STAC2: variants seen among roughly 807,000 people sequenced by gnomAD.
STAC2 encodes the protein SH3 and cysteine rich domain 2, also known as SH3 and cysteine-rich domain-containing protein 2.
A neutral mutation model predicts 49.0 loss-of-function variants in STAC2; 36 were observed. The ratio of observed to expected loss-of-function variants is 0.74; its 90% confidence interval spans 0.56 to 0.97. STAC2 has a LOEUF of 0.97. Ranked by LOEUF, STAC2 falls within the 50% of genes least tolerant of loss-of-function variation. The pLI is 0.00. For synonymous variants in STAC2, 239 were observed against 214.7 expected, an observed-to-expected ratio of 1.11 and a Z score of -0.99; for missense variants, 527 against 543.8, an observed-to-expected ratio of 0.97 and a Z score of 0.31.
At chr17:39,218,291 G>T in intron 1 of STAC2, 118 bp from the exon 2 acceptor site, 1 of 1,046,356 alleles carries the variant, frequency 9.6e-7, no homozygotes, top group East Asian at 2.4e-5. Flanking sequence ...AGCAGCGTGG[G>T]GGCTGAGGGC....
At position 39,221,252 on chromosome 17, in the gene STAC2, C is replaced by T. The variant is rs574786317; in HGVS notation, c.91-3079G>A. On this transcript the variant is annotated intron_variant, in intron 1 of 10. Transcript: ENST00000333461. ...ATGGGATTACAGGCGCCTGTCACCA[C>T]ACCTGGCTAATTTTTTGTATTTTTT... 4.6e-5 allele frequency among the ~76,000 whole-genome samples: 7 copies of T among 152,176 alleles called. No individual in the cohort carries two copies. In the East Asian group the frequency reaches 1.2e-3, roughly 25 times the overall value.
Position 39,218,394 on chromosome 17 carries a change from A to G in STAC2, c.91-221T>C, listed in dbSNP as rs542832463. Among the ~76,000 whole-genome samples the G allele has an allele frequency of 2.1e-4, 32 of 152,284 alleles. No individual in the cohort carries two copies. The East Asian group carries it at 2.3e-3, about 11-fold the overall frequency. On this transcript the variant is annotated intron_variant, in intron 1 of 10. Coordinates refer to ENST00000333461, the MANE Select transcript of STAC2 (RefSeq NM_198993.5). ...CACAAAAGCCAGGTGGTTGACCTCC[A>G]TGGAGAAAGGAGTTCTGGCCAGGTG...
rs1452040891 is a variant in STAC2 at position 39,218,012 on chromosome 17, C to CGAGGCT, written c.246_251dup (p.Ala83_Ser84dup). The CGAGGCT allele has an allele frequency of 6.7e-7, 1 of 1,488,936 alleles. No homozygotes were observed. The highest frequency in any genetic ancestry group is 9.1e-7 in the Non-Finnish European group (1 of 1,100,342). 92.2% of individuals were successfully genotyped at this position (1,488,936 alleles called of 1,614,324 possible). On this transcript the variant is annotated inframe_insertion, in exon 2 of 11. Coordinates refer to ENST00000333461, the MANE Select transcript of STAC2 (RefSeq NM_198993.5). ...GGGATGGGGTAGCCAGGCCCCTGTC[C>CGAGGCT]GAGGCTGTGGGTGGTGGGGAGGGAG... is the stretch of plus-strand genomic sequence containing the variant.
chr17:39,212,571 A>T (rs576611913), intron 10 of STAC2, among the ~76,000 whole-genome samples, 175 bp from the exon 11 acceptor site: 9 of 152,160 alleles, frequency 5.9e-5, no homozygotes, highest in Non-Finnish European at 1.2e-4. Context: ...AGGCCTCAGC[A>T]GCAAGACCAG....
intron 2 of STAC2, 104 bp downstream of exon 2, chr17:39,217,763 C>T: frequency 8.5e-7 from 1 of 1,177,144 alleles, no homozygotes; most frequent in African/African-American, 1.6e-5. Flanking sequence ...AGTATTGGGG[C>T]TCCTGAACAG....
At chr17:39,220,723 C>T (rs919038296) in intron 1 of STAC2, among the ~76,000 whole-genome samples, 4 of 152,100 alleles carry the variant, frequency 2.6e-5, no homozygotes, top group Admixed American at 6.5e-5. Flanking sequence ...TTGCCCGCCT[C>T]GGCCTCCCAA....
rs911271027 is a variant in STAC2 at position 39,225,482 on chromosome 17, C to A, written c.21G>T (p.Lys7Asn). MTEMSE[K>N]ENEPDDAATH... is the part of the protein sequence containing the mutation. Reference sequence around the variant, plus strand: ...TGGCCGCGTCATCCGGTTCGTTCTCCTTCTCGCTCATCTCGGTCATGGTTC... The same window carrying A: ...TGGCCGCGTCATCCGGTTCGTTCTCATTCTCGCTCATCTCGGTCATGGTTC... The change falls in exon 1 of 11, where the codon AAG becomes AAT. Residue 7 changes from lysine (K) to asparagine (N), a missense_variant. By Grantham distance (94) the Lys-to-Asn change is moderately conservative. Coordinates refer to ENST00000333461, the MANE Select transcript of STAC2 (RefSeq NM_198993.5). The surrounding 1 kb of genome is among the most constrained non-coding windows in gnomAD (Gnocchi z 8.2). 3.1e-6 allele frequency: 5 copies of A among 1,610,492 alleles called. No homozygotes were observed. In the Admixed American group the frequency reaches 8.3e-5, roughly 27 times the overall value.
At position 39,213,207 on chromosome 17, in the gene STAC2, G is replaced by A. The variant is rs554763439; in HGVS notation, c.994-75C>T. 8.7e-5 allele frequency: 137 copies of A among 1,578,990 alleles called. 1 individual carries two copies. In the South Asian group the frequency reaches 1.2e-3, roughly 14 times the overall value. ...GCCCACCACTGCTTTCTCCAGACCC[G>A]GTTCCCACTCAGCACCAATGCCATC... On this transcript the variant is annotated intron_variant, in intron 9 of 10. Coordinates refer to ENST00000333461, the MANE Select transcript of STAC2 (RefSeq NM_198993.5).
At chr17:39,220,860 A>T in intron 1 of STAC2, among the ~76,000 whole-genome samples, 1 of 149,056 alleles carries the variant, frequency 6.7e-6, no homozygotes, top group East Asian at 2.0e-4. Context: ...GCAGTGGTGC[A>T]ATCTTGGCTC....
chr17:39,217,312 T>C, intron 2 of STAC2, 139 bp from the exon 3 acceptor site: 1 of 773,178 alleles, frequency 1.3e-6, no homozygotes, highest in Non-Finnish European at 2.1e-6. Context: ...CCTCACACAG[T>C]CAGGGTATGA....
chr17:39,216,907 C>T lies in STAC2; in HGVS notation c.496-7G>A, dbSNP rs1490972335. 2.5e-6 allele frequency: 4 copies of T among 1,595,776 alleles called. No homozygotes were observed. The South Asian group carries it at 4.5e-5, about 18-fold the overall frequency. On this transcript the variant is annotated splice_polypyrimidine_tract_variant and splice_region_variant and intron_variant, in intron 3 of 10. Coordinates refer to ENST00000333461, the MANE Select transcript of STAC2 (RefSeq NM_198993.5). ...TGCGGCGGAAGGAGGTGGACTATGGCAAGAGAGGGCAGAGAGGTTTTGAGG... is the reference window on the plus strand; with the variant it reads ...TGCGGCGGAAGGAGGTGGACTATGGTAAGAGAGGGCAGAGAGGTTTTGAGG...
At chr17:39,223,954 C>G (rs2046486072) in intron 1 of STAC2, among the ~76,000 whole-genome samples, 1 of 152,170 alleles carries the variant, frequency 6.6e-6, no homozygotes, top group African/African-American at 2.4e-5. Flanking sequence ...GGAGTCAGCT[C>G]TGGCCTCACA....
In STAC2 at chr17:39,225,568, G is replaced by T. The variant is rs2046505975; in HGVS notation, c.-66C>A. The T allele has an allele frequency of 1.3e-6, 2 of 1,485,986 alleles. No individual in the cohort carries two copies. The highest frequency in any genetic ancestry group is 1.1e-5 in the South Asian group (1 of 87,754). The allele number at this position is 1,485,986 out of a possible 1,614,324, so 92.1% of individuals were successfully genotyped here. A position where few individuals can be genotyped will look rare whatever the true frequency, so the allele number is the denominator to read the frequency against. On this transcript the variant is annotated 5_prime_UTR_variant, in exon 1 of 11. Transcript: ENST00000333461. This position sits in a 1 kb window ranked among gnomAD's most constrained non-coding sequence, Gnocchi z 8.2. ...GCAGGCCCACCGCGGGCAGGCTGCG[G>T]GTGGCGGGCGTCTCCGGGACTCTGA...
chr17:39,213,014 A>G lies in STAC2; in HGVS notation c.1112T>C (p.Met371Thr), dbSNP rs754637686. The change falls in exon 10 of 11, where the codon ATG becomes ACG. Residue 371 changes from methionine (M) to threonine (T), a missense_variant. Met to Thr is a moderately conservative substitution (Grantham distance 81). Transcript: ENST00000333461. The stretch of plus-strand genomic sequence containing the variant: ...ACTCACCTGGTTCTCCTTGAGGCTC[A>G]TGTAACCCTGTTCCTTGTTCCCGGA... The part of the protein sequence containing the change: ...PFSGNKEQGY[M>T]SLKENQICVG... The G allele has an allele frequency of 6.2e-7, 1 of 1,614,008 alleles. No individual in the cohort carries two copies. Among genetic ancestry groups the G allele is most frequent in the Non-Finnish European group, 8.5e-7 (1 of 1,180,036 alleles).
At chr17:39,213,603 G>A in intron 8 of STAC2, 45 bp from the exon 9 acceptor site, 3 of 1,604,542 alleles carry the variant, frequency 1.9e-6, no homozygotes, top group South Asian at 2.2e-5. Flanking sequence ...AGGGAGTAGT[G>A]CCCCTCCCCA....
In STAC2 at chr17:39,212,206, GT is replaced by G. The variant is rs2046360140; in HGVS notation, c.*85del. ...GGGACAGAGGGAGGAAGGGTATGGAGTGGACAAGGGGGCCTGATCCCCTCCC... is the reference window on the plus strand; with the variant it reads ...GGGACAGAGGGAGGAAGGGTATGGAGGGACAAGGGGGCCTGATCCCCTCCC... On this transcript the variant is annotated 3_prime_UTR_variant, in exon 11 of 11. Transcript: ENST00000333461. 1.0e-6 allele frequency: 1 copy of G among 956,418 alleles called. No individual in the cohort carries two copies. The highest frequency in any genetic ancestry group is 1.6e-5 in the African/African-American group (1 of 61,504). 59.2% of individuals were successfully genotyped at this position (956,418 alleles called of 1,614,324 possible).
In STAC2 at chr17:39,218,844, G is replaced by A. The variant is rs115645087; in HGVS notation, c.91-671C>T. ...GGGAGGGAATCGCTTGAGCCAAGCA[G>A]TTGGAGACCAGCCTGGGCAACGTAG... On this transcript the variant is annotated intron_variant, in intron 1 of 10. Transcript: ENST00000333461. Among the ~76,000 whole-genome samples the A allele has an allele frequency of 3.5e-3, 536 of 152,292 alleles. 2 individuals are homozygous for A. The highest frequency in any genetic ancestry group is 0.012 in the African/African-American group (508 of 41,544).
Position 39,217,061 on chromosome 17 carries a change from T to A in STAC2, c.495+15A>T. 1.2e-6 allele frequency: 2 copies of A among 1,613,648 alleles called. No individual in the cohort carries two copies. The highest frequency in any genetic ancestry group is 1.7e-6 in the Non-Finnish European group (2 of 1,179,666). On this transcript the variant is annotated intron_variant, in intron 3 of 10. Coordinates refer to ENST00000333461, the MANE Select transcript of STAC2 (RefSeq NM_198993.5). ...CAGCACTCAGCTGGCCATCTCTGCC[T>A]GGGTCCCCGCTCACCGTCTTGCCTG...
At chr17:39,220,679 A>T (rs1030184984) in intron 1 of STAC2, among the ~76,000 whole-genome samples, 1 of 151,806 alleles carries the variant, frequency 6.6e-6, no homozygotes, top group Non-Finnish European at 1.5e-5. Flanking sequence ...TCACTGTGTT[A>T]GCCATGATGG....
Sources: allele counts gnomAD v4.1 joint callset (sites outside exome capture counted in the v4.1 genomes callset), GRCh38; gene constraint gnomAD v4.1.1; non-coding constraint Gnocchi (gnomAD v3.1); transcripts MANE v1.5; gene names NCBI Gene and HGNC (gene_info 2026-07-23, HGNC 2026-07-21).